EML6: variants seen among roughly 807,000 people sequenced by gnomAD.
EML6 encodes the protein echinoderm microtubule-associated protein-like 6.
EML6 carries 154 observed loss-of-function variants against 240.1 expected under a neutral mutation model. The ratio of observed to expected loss-of-function variants is 0.64; its 90% CI spans 0.56 to 0.73. The LOEUF (loss-of-function observed/expected upper bound fraction) is 0.73. Ranked by LOEUF, EML6 falls within the 30% of genes least tolerant of loss-of-function variation. The pLI is 0.00. For synonymous variants in EML6, 1,148 were observed against 899.0 expected (o/e 1.28, Z -4.95); for missense variants, 2,964 against 2,474.6 (o/e 1.20, Z -4.20).
At chr2:54,759,394 A>T (rs1667878046) in intron 2 of EML6, among the ~76,000 whole-genome samples, 1 of 151,888 alleles carries the variant, frequency 6.6e-6, no homozygotes, top group Non-Finnish European at 1.5e-5. Context: ...GTAATACTAG[A>T]AAGAATAGTG....
chr2:54,885,856 C>T (rs556596462), intron 17 of EML6, among the ~76,000 whole-genome samples: 4 of 152,152 alleles, frequency 2.6e-5, no homozygotes, highest in African/African-American at 9.6e-5. Flanking sequence ...CGTGATCCCC[C>T]TGCCTCGGCC....
chr2:54,830,430 C>T (rs966497219), intron 7 of EML6, among the ~76,000 whole-genome samples: 1 of 152,174 alleles, frequency 6.6e-6, no homozygotes, highest in East Asian at 1.9e-4. Context: ...TTTTCAGTGC[C>T]GAGATGAGGG....
intron 28 of EML6, among the ~76,000 whole-genome samples, chr2:54,945,986 T>G (rs1675677914): frequency 6.6e-6 from 1 of 152,212 alleles, no homozygotes; most frequent in African/African-American, 2.4e-5. Context: ...CAGGGCCGAC[T>G]TGTTACTCAA....
chr2:54,859,558 G>A lies in EML6; in HGVS notation c.1682G>A (p.Gly561Asp). The change falls in exon 12 of 42, where the codon GGC becomes GAC. Residue 561 changes from glycine to aspartate, a missense_variant. Gly to Asp is a moderately conservative substitution (Grantham distance 94). Transcript: ENST00000356458. ...GGAGCCAAATTTAGAAAGTATGTGGGCCATTCTGCACATGTCACAAATGTC... is the reference window on the plus strand; with the variant it reads ...GGAGCCAAATTTAGAAAGTATGTGGACCATTCTGCACATGTCACAAATGTC... ...KRGAKFRKYV[G>D]HSAHVTNVRW... 6.4e-7 allele frequency: 1 copy of A among 1,550,494 alleles called. No individual in the cohort carries two copies. Among genetic ancestry groups the A allele is most frequent in the Non-Finnish European group, 8.7e-7 (1 of 1,146,692 alleles).
chr2:54,795,471 CAG>C (rs1401358887), intron 2 of EML6, among the ~76,000 whole-genome samples: 9 of 152,154 alleles, frequency 5.9e-5, no homozygotes, highest in Admixed American at 2.0e-4. Context: ...CTTGGGAACA[CAG>C]AGCCAATATC....
At position 54,904,234 on chromosome 2, in the gene EML6, G is replaced by A. The variant is rs757456820; in HGVS notation, c.3409+732G>A. On this transcript the variant is annotated intron_variant, in intron 24 of 41. Coordinates refer to ENST00000356458, the MANE Select transcript of EML6 (RefSeq NM_001039753.4). ...AGTGGTGAGTCACAAGGGAAGTGGT[G>A]AGCAGGGACTCCGAATGGGCCACGG... 1.8e-3 allele frequency among the ~76,000 whole-genome samples: 272 copies of A among 152,158 alleles called. 1 individual carries two copies. The highest frequency in any genetic ancestry group is 1.4e-3 in the Non-Finnish European group (95 of 68,040).
chr2:54,862,655 C>T (rs1670745117), intron 12 of EML6, among the ~76,000 whole-genome samples: 1 of 151,968 alleles, frequency 6.6e-6, no homozygotes. Context: ...AAAATAAAGC[C>T]AAATCTAGGA....
intron 5 of EML6, among the ~76,000 whole-genome samples, chr2:54,824,001 G>A (rs138269672): frequency 6.6e-6 from 1 of 151,846 alleles, no homozygotes. Context: ...ATTTCCTAGG[G>A]TCACAAAAAT....
intron 2 of EML6, among the ~76,000 whole-genome samples, chr2:54,794,973 C>T (rs1669678139): frequency 6.6e-6 from 1 of 152,168 alleles, no homozygotes. Flanking sequence ...ACACTAGGTC[C>T]CACCGACCCA....
Position 54,895,018 on chromosome 2 carries a change from G to A in EML6, c.2846G>A (p.Ser949Asn), listed in dbSNP as rs569691100. Residue 949 changes from serine to asparagine, a missense_variant, in exon 20 of 42, where the codon AGC becomes AAC. Transcript: ENST00000356458. Reference sequence around the variant, plus strand: ...ATTAAAAGATCAGCATTGTCGACTAGCTCAAAAGGTGCCACTCCCAAACAT... The same window carrying A: ...ATTAAAAGATCAGCATTGTCGACTAACTCAAAAGGTGCCACTCCCAAACAT... Reference protein sequence around the residue: ...YAIKRSALSTSSKGLLLEDNP... With the variant: ...YAIKRSALSTNSKGLLLEDNP... 1.3e-6 allele frequency: 2 copies of A among 1,549,180 alleles called. No individual in the cohort carries two copies. The highest frequency in any genetic ancestry group is 2.4e-5 in the East Asian group (1 of 40,896).
At position 54,903,323 on chromosome 2, in the gene EML6, A is replaced by T. The variant is rs1673158560; in HGVS notation, c.3278-48A>T. 2 of 1,536,450 alleles carry T rather than the reference A, an allele frequency of 1.3e-6. 1 individual carries two copies. On this transcript the variant is annotated intron_variant, in intron 23 of 41. Transcript: ENST00000356458. The stretch of plus-strand genomic sequence containing the variant: ...TAAAATACTAAGTTCCTGGAAGTAA[A>T]TTCCTATATAAAATGCTTCGATGTT...
intron 26 of EML6, among the ~76,000 whole-genome samples, chr2:54,921,969 A>G (rs1170395667): frequency 6.6e-6 from 1 of 152,122 alleles, no homozygotes; most frequent in Admixed American, 6.5e-5. Flanking sequence ...AAATCATACA[A>G]CTCCTAGAAG....
intron 39 of EML6, 49 bp downstream of exon 39, chr2:54,967,152 C>A: frequency 8.2e-7 from 1 of 1,225,260 alleles, no homozygotes; most frequent in Non-Finnish European, 1.2e-6. Flanking sequence ...AAGGGAGTCT[C>A]TTGTCTCACT....
At chr2:54,860,323 G>A (rs541345145) in intron 12 of EML6, among the ~76,000 whole-genome samples, 22 of 152,204 alleles carry the variant, frequency 1.4e-4, no homozygotes, top group South Asian at 6.2e-4. Flanking sequence ...AAGAAGCCTC[G>A]GTTTGATACA....
chr2:54,939,821 CTG>C (rs1675337178), intron 28 of EML6, among the ~76,000 whole-genome samples: 1 of 152,226 alleles, frequency 6.6e-6, no homozygotes, highest in South Asian at 2.1e-4. Context: ...TCCCAATTCT[CTG>C]TGAAGAGAGG....
At chr2:54,798,024 T>G (rs1016496418) in intron 2 of EML6, among the ~76,000 whole-genome samples, 2 of 152,172 alleles carry the variant, frequency 1.3e-5, no homozygotes, top group Non-Finnish European at 2.9e-5. Context: ...TTTGTCAATT[T>G]CTATAAAAAA....
At chr2:54,942,739 C>A (rs771977089) in intron 28 of EML6, among the ~76,000 whole-genome samples, 6 of 152,202 alleles carry the variant, frequency 3.9e-5, no homozygotes, top group Non-Finnish European at 8.8e-5. Context: ...TCCTGCCATG[C>A]CCTGGGTTAC....
At chr2:54,797,847 G>T (rs1410109139) in intron 2 of EML6, among the ~76,000 whole-genome samples, 1 of 152,112 alleles carries the variant, frequency 6.6e-6, no homozygotes, top group African/African-American at 2.4e-5. Context: ...GTCATTGATA[G>T]ATTTTTTTTA....
chr2:54,928,183 A>G, intron 26 of EML6, 130 bp from the exon 27 acceptor site: 2 of 754,774 alleles, frequency 2.6e-6, no homozygotes, highest in South Asian at 1.6e-5. Context: ...TGGAGCTTAC[A>G]TTCTAGTTGA....
Sources: allele counts gnomAD v4.1 joint callset (sites outside exome capture counted in the v4.1 genomes callset), GRCh38; gene constraint gnomAD v4.1.1; transcripts MANE v1.5; gene names NCBI Gene and HGNC (gene_info 2026-07-23, HGNC 2026-07-21).